Variants in CRTC3 observed in about 807,000 individuals in gnomAD.
The protein encoded by CRTC3 is CREB-regulated transcription coactivator 3.
CRTC3 carries 26 observed loss-of-function variants against 74.5 expected under a neutral mutation model. That is an observed-to-expected ratio of 0.35 (90% CI 0.26 to 0.48). The LOEUF is 0.48. Among genes scored for constraint, CRTC3 ranks in the 20% least tolerant of loss-of-function variants. The pLI, the probability that CRTC3 is intolerant of heterozygous loss-of-function variation, is 0.99. For missense variants in CRTC3, 760 were observed against 787.3 expected (o/e 0.97, Z 0.41); for synonymous variants, 377 against 325.8 (o/e 1.16, Z -1.69).
rs1308713130 is a variant in CRTC3, at chr15:90,638,638, C to T, written c.1459C>T (p.Pro487Ser). ...GCCACAGTCAGACTTTCAGCTTCTC[C>T]CGGCCCAGGTGAGTTCTGGCAGGAG... ...SLPQSDFQLL[P>S]AQGSSLTNFF... The change falls in exon 12 of 15, where the codon CCG becomes TCG. Residue 487 changes from proline to serine, a missense_variant. Coordinates refer to ENST00000268184, the MANE Select transcript of CRTC3 (RefSeq NM_022769.5). The T allele has an allele frequency of 6.2e-7, 1 of 1,613,748 alleles. No homozygotes were observed.
intron 9 of CRTC3, among the ~76,000 whole-genome samples, chr15:90,622,077 G>A (rs1315861596): frequency 6.6e-6 from 1 of 152,162 alleles, no homozygotes; most frequent in Non-Finnish European, 1.5e-5. Context: ...GTGAAGCGAC[G>A]CAGAGAGGGC....
At chr15:90,560,270 G>C (rs1012287297) in intron 2 of CRTC3, among the ~76,000 whole-genome samples, 5 of 152,176 alleles carry the variant, frequency 3.3e-5, no homozygotes, top group Non-Finnish European at 5.9e-5. Flanking sequence ...TCTAAATCCT[G>C]ACTTCCAGTT....
intron 6 of CRTC3, among the ~76,000 whole-genome samples, chr15:90,613,028 G>A (rs901728581): frequency 2.6e-5 from 4 of 151,798 alleles, no homozygotes; most frequent in Admixed American, 6.6e-5. Flanking sequence ...GTGAAACCCC[G>A]TCTCTACCAA....
At chr15:90,555,189 T>C (rs944480626) in intron 2 of CRTC3, among the ~76,000 whole-genome samples, 5 of 152,182 alleles carry the variant, frequency 3.3e-5, no homozygotes, top group African/African-American at 9.7e-5. Flanking sequence ...CCCCCCTTTT[T>C]AGTTGATTGC....
chr15:90,635,536 T>A (rs953487009), intron 11 of CRTC3, among the ~76,000 whole-genome samples: 2 of 152,122 alleles, frequency 1.3e-5, no homozygotes, highest in African/African-American at 4.8e-5. Context: ...TCTCAGCTAC[T>A]CGGGAGACTG....
chr15:90,630,756 A>C (rs75441898), intron 11 of CRTC3, among the ~76,000 whole-genome samples: 1 of 23,632 alleles, frequency 4.2e-5, no homozygotes, highest in Admixed American at 3.6e-4. Context: ...TTACAGCATC[A>C]TTTTTTTTTT....
chr15:90,554,528 C>T (rs1196324141), intron 2 of CRTC3, among the ~76,000 whole-genome samples: 1 of 152,198 alleles, frequency 6.6e-6, no homozygotes, highest in African/African-American at 2.4e-5. Flanking sequence ...ATAATTGTTC[C>T]TATTGCTCCT....
chr15:90,592,286 C>T (rs1967818544), intron 2 of CRTC3, among the ~76,000 whole-genome samples: 1 of 152,192 alleles, frequency 6.6e-6, no homozygotes, highest in African/African-American at 2.4e-5. Flanking sequence ...ATGTTAATAA[C>T]TTGATTTCAT....
At chr15:90,574,185 T>C (rs1024114404) in intron 2 of CRTC3, among the ~76,000 whole-genome samples, 2 of 152,096 alleles carry the variant, frequency 1.3e-5, no homozygotes, top group Non-Finnish European at 2.9e-5. Context: ...TAAAAAAATA[T>C]ATAAACTTAT....
chr15:90,599,414 T>G (rs1179364965), intron 3 of CRTC3: 1 of 152,218 alleles, frequency 6.6e-6, no homozygotes, highest in East Asian at 1.9e-4. Context: ...TAAGAGTGTT[T>G]CCTTTGTCTC....
At chr15:90,613,576 T>A (rs1426133427) in intron 6 of CRTC3, 1 of 152,214 alleles carries the variant, frequency 6.6e-6, no homozygotes, top group African/African-American at 2.4e-5. Context: ...AAATATGGGT[T>A]GAGTGAATGG....
intron 2 of CRTC3, 75 bp from the exon 3 acceptor site, chr15:90,593,561 T>G (rs1355088612): frequency 1.9e-6 from 3 of 1,546,700 alleles, no homozygotes; most frequent in Admixed American, 1.7e-5. Flanking sequence ...TCATCTCCTG[T>G]TGTTATCAGT....
chr15:90,605,666 T>C (rs1214204383), intron 5 of CRTC3, among the ~76,000 whole-genome samples: 1 of 152,198 alleles, frequency 6.6e-6, no homozygotes, highest in Non-Finnish European at 1.5e-5. Context: ...CCACGCTCTT[T>C]CTGTTGCACT....
chr15:90,543,099 C>A (rs1966829346), intron 2 of CRTC3, among the ~76,000 whole-genome samples: 1 of 145,906 alleles, frequency 6.9e-6, no homozygotes, highest in African/African-American at 2.6e-5. Context: ...GAGTTTGAGC[C>A]AGCCTGGGCA....
In CRTC3 at chr15:90,545,616, G is replaced by T. The variant is rs142914323; in HGVS notation, c.231+5479G>T. On this transcript the variant is annotated intron_variant, in intron 2 of 14. Coordinates refer to ENST00000268184, the MANE Select transcript of CRTC3 (RefSeq NM_022769.5). ...TTTTGAGATGGAGTCTCACTCTTTC[G>T]CCCAGGCTGGAGTGCAGTGGCACGA... 1.9e-4 allele frequency among the ~76,000 whole-genome samples: 28 copies of T among 151,062 alleles called. No individual in the cohort carries two copies. In the East Asian group the frequency reaches 4.5e-3, roughly 24 times the overall value.
At chr15:90,567,950 T>C (rs1967164949) in intron 2 of CRTC3, among the ~76,000 whole-genome samples, 1 of 152,220 alleles carries the variant, frequency 6.6e-6, no homozygotes, top group African/African-American at 2.4e-5. Context: ...ACTGAAAACC[T>C]TCTGGAAAGG....
Position 90,601,833 on chromosome 15 carries a change from T to A in CRTC3, c.352-491T>A, listed in dbSNP as rs552628711. ...CATAACAGACAGGCTTTCTCCAAGG[T>A]GAAGACCCCCAGGTTCAGACGGCCC... On this transcript the variant is annotated intron_variant, in intron 3 of 14. Transcript: ENST00000268184. 3.3e-5 allele frequency among the ~76,000 whole-genome samples: 5 copies of A among 152,300 alleles called. No homozygotes were observed. The South Asian group carries it at 1.0e-3, about 32-fold the overall frequency.
chr15:90,627,768 C>G (rs1169484695), intron 10 of CRTC3, among the ~76,000 whole-genome samples: 1 of 150,964 alleles, frequency 6.6e-6, no homozygotes, highest in Non-Finnish European at 1.5e-5. Flanking sequence ...ACTACAGGCA[C>G]CTGCCACCAC....
intron 1 of CRTC3, among the ~76,000 whole-genome samples, chr15:90,533,576 G>C (rs1230843553): frequency 6.6e-6 from 1 of 152,114 alleles, no homozygotes; most frequent in Non-Finnish European, 1.5e-5. Flanking sequence ...GTGAAAACAT[G>C]GGGCTGTCCT....
Sources: allele counts gnomAD v4.1 joint callset (sites outside exome capture counted in the v4.1 genomes callset), GRCh38; gene constraint gnomAD v4.1.1; transcripts MANE v1.5; gene names NCBI Gene and HGNC (gene_info 2026-07-23, HGNC 2026-07-21).